Variants in ZRANB3 observed in about 807,000 individuals in gnomAD.
The protein encoded by ZRANB3 is DNA annealing helicase and endonuclease ZRANB3.
ZRANB3 carries 125 observed loss-of-function variants against 133.8 expected under a neutral mutation model. The observed-to-expected ratio is 0.93, with a 90% CI of 0.81 to 1.08. ZRANB3 has a LOEUF of 1.08. Ranked by LOEUF, ZRANB3 falls within the 50% of genes least tolerant of loss-of-function variation. The pLI is 0.00. For missense variants in ZRANB3, 1,229 were observed against 1,275.5 expected (o/e 0.96, Z 0.56); for synonymous variants, 387 against 432.7 (o/e 0.89, Z 1.31).
intron 12 of ZRANB3, among the ~76,000 whole-genome samples, chr2:135,263,718 A>G (rs1383331968): frequency 6.6e-6 from 1 of 152,140 alleles, no homozygotes; most frequent in Non-Finnish European, 1.5e-5. Flanking sequence ...TTTAAAAAGA[A>G]AAAAAGGTAA....
intron 2 of ZRANB3, among the ~76,000 whole-genome samples, chr2:135,397,483 C>T (rs1687546231): frequency 6.6e-6 from 1 of 150,620 alleles, no homozygotes; most frequent in African/African-American, 2.4e-5. Flanking sequence ...AAAAGAAAAA[C>T]CTTTTATTTT....
intron 6 of ZRANB3, among the ~76,000 whole-genome samples, chr2:135,342,979 A>G (rs1354726548): frequency 2.1e-5 from 3 of 142,640 alleles, no homozygotes; most frequent in Non-Finnish European, 4.5e-5. Flanking sequence ...AGCCTGGCCA[A>G]TATGGCGAAA....
intron 1 of ZRANB3, chr2:135,511,246 G>C: frequency 2.9e-6 from 3 of 1,023,548 alleles, no homozygotes; most frequent in South Asian, 2.5e-5. Context: ...GCAGGTGCTG[G>C]AGAAGAACTC....
chr2:135,367,312 G>C (rs1685982381), intron 3 of ZRANB3, among the ~76,000 whole-genome samples: 1 of 152,186 alleles, frequency 6.6e-6, no homozygotes, highest in African/African-American at 2.4e-5. Flanking sequence ...ACTCAGGACT[G>C]GTGGCAGCCA....
rs749519236 is a variant in ZRANB3 at position 135,197,466 on chromosome 2, T to G, written c.*2876A>C. 6.6e-6 allele frequency: 1 copy of G among 152,184 alleles called. No homozygotes were observed. Among genetic ancestry groups the G allele is most frequent in the Non-Finnish European group, 1.5e-5 (1 of 68,024 alleles). The allele number at this position is 152,184 out of a possible 1,614,324, so 9.4% of individuals were successfully genotyped here. On this transcript the variant is annotated 3_prime_UTR_variant, in exon 21 of 21. Coordinates refer to ENST00000264159, the MANE Select transcript of ZRANB3 (RefSeq NM_032143.4). ...TCCTTTTCCCATCCAGTTAAGAAAA[T>G]GTAGAGGGTATTCACTTGTCACAGG...
chr2:135,317,029 T>C (rs1414210654), intron 6 of ZRANB3, among the ~76,000 whole-genome samples: 1 of 150,240 alleles, frequency 6.7e-6, no homozygotes, highest in Non-Finnish European at 1.5e-5. Flanking sequence ...ATTACATAAG[T>C]ATAGTGAATG....
At chr2:135,326,898 C>CAAAAAAAAAA (rs56683794) in intron 6 of ZRANB3, among the ~76,000 whole-genome samples, 1 of 61,462 alleles carries the variant, frequency 1.6e-5, no homozygotes, top group Non-Finnish European at 4.2e-5. Context: ...GACTCCATCT[C>CAAAAAAAAAA]AAAAAAAAAA....
At chr2:135,449,345 C>T (rs1225162771) in intron 2 of ZRANB3, among the ~76,000 whole-genome samples, 4 of 152,252 alleles carry the variant, frequency 2.6e-5, no homozygotes, top group South Asian at 4.1e-4. Context: ...TTTGGCTGGG[C>T]GTGGTGGCTC....
At position 135,198,948 on chromosome 2, in the gene ZRANB3, G is replaced by A. The variant is rs1693508364; in HGVS notation, c.*1394C>T. ...AAATGCTCAAACTAAAGAGGTATAT[G>A]TCCTAATAGTATTTACAAACAGCTC... On this transcript the variant is annotated 3_prime_UTR_variant, in exon 21 of 21. Coordinates refer to ENST00000264159, the MANE Select transcript of ZRANB3 (RefSeq NM_032143.4). 6.6e-6 allele frequency: 1 copy of A among 152,122 alleles called. No homozygotes were observed. The highest frequency in any genetic ancestry group is 1.5e-5 in the Non-Finnish European group (1 of 68,022). The allele number at this position is 152,122 out of a possible 1,614,324, so 9.4% of individuals were successfully genotyped here. A position where few individuals can be genotyped will look rare whatever the true frequency, so the allele number is the denominator to read the frequency against.
intron 2 of ZRANB3, among the ~76,000 whole-genome samples, chr2:135,416,641 G>T (rs1483809382): frequency 2.7e-5 from 4 of 149,856 alleles, no homozygotes; most frequent in Admixed American, 6.6e-5. Context: ...AAAAGAGCCC[G>T]CATCGCCAAG....
At chr2:135,343,992 C>T (rs2104864432) in intron 6 of ZRANB3, among the ~76,000 whole-genome samples, 1 of 152,280 alleles carries the variant, frequency 6.6e-6, no homozygotes, top group East Asian at 1.9e-4. Context: ...TGCACATGCC[C>T]TTTAAACTAG....
At chr2:135,304,763 T>A (rs1682594596) in intron 8 of ZRANB3, among the ~76,000 whole-genome samples, 1 of 152,136 alleles carries the variant, frequency 6.6e-6, no homozygotes, top group Non-Finnish European at 1.5e-5. Context: ...TCAGCTGTGA[T>A]ATTTATGGAA....
At chr2:135,299,929 A>T (rs1207275866) in intron 8 of ZRANB3, among the ~76,000 whole-genome samples, 1 of 152,222 alleles carries the variant, frequency 6.6e-6, no homozygotes, top group Non-Finnish European at 1.5e-5. Flanking sequence ...CAAAGAAAAG[A>T]TTACAGCAGA....
chr2:135,314,330 T>C (rs1683151181), intron 7 of ZRANB3, among the ~76,000 whole-genome samples: 2 of 152,208 alleles, frequency 1.3e-5, no homozygotes, highest in African/African-American at 4.8e-5. Flanking sequence ...ACAAATATAA[T>C]CATATGTTGA....
intron 8 of ZRANB3, among the ~76,000 whole-genome samples, chr2:135,290,715 G>C (rs1189554664): frequency 6.7e-6 from 1 of 149,500 alleles, no homozygotes. Flanking sequence ...GGCCCTGTGA[G>C]ATTTATGCTT....
In ZRANB3 at chr2:135,199,997, A is replaced by C. The variant is rs563952371; in HGVS notation, c.*345T>G. ...CAGTCCAGAACAATACTAATCCAGA[A>C]GCATTTTTAGGTAATTGAGAGTACA... is the stretch of plus-strand genomic sequence containing the variant. On this transcript the variant is annotated 3_prime_UTR_variant, in exon 21 of 21. Transcript: ENST00000264159. 6.1e-6 allele frequency: 2 copies of C among 327,330 alleles called. No homozygotes were observed. Among genetic ancestry groups the C allele is most frequent in the East Asian group, 1.7e-4 (2 of 11,946 alleles). 20.3% of individuals were successfully genotyped at this position (327,330 alleles called of 1,614,324 possible).
intron 2 of ZRANB3, among the ~76,000 whole-genome samples, chr2:135,467,720 A>G (rs1178616850): frequency 6.6e-6 from 1 of 152,204 alleles, no homozygotes; most frequent in African/African-American, 2.4e-5. Flanking sequence ...TTGCCTCTCT[A>G]GCTTCCAGCC....
chr2:135,489,177 TG>T (rs1015385263), intron 2 of ZRANB3, among the ~76,000 whole-genome samples: 3 of 150,886 alleles, frequency 2.0e-5, no homozygotes, highest in African/African-American at 7.3e-5. Flanking sequence ...GAAAATCAAA[TG>T]GAAACACATA....
chr2:135,366,781 G>A (rs890889974), intron 3 of ZRANB3, among the ~76,000 whole-genome samples: 1 of 152,082 alleles, frequency 6.6e-6, no homozygotes, highest in Non-Finnish European at 1.5e-5. Context: ...CACTTTGGGA[G>A]ACCGAGGTGG....
Sources: gnomAD v4.1 joint callset for allele counts (sites outside exome capture counted in the v4.1 genomes callset) on GRCh38, gnomAD v4.1.1 for gene constraint, MANE v1.5 for transcripts, NCBI Gene and HGNC (gene_info 2026-07-23, HGNC 2026-07-21) for gene names.